Variants in NXPH1 observed in about 807,000 individuals in gnomAD.
NXPH1 encodes the protein neurexophilin 1.
A neutral mutation model predicts 23.7 loss-of-function variants in NXPH1; 5 were observed. That is an observed-to-expected ratio of 0.21 (90% CI 0.11 to 0.44). The LOEUF (loss-of-function observed/expected upper bound fraction) is 0.44. NXPH1 is among the 20% of genes least tolerant of loss of function. The probability of loss-of-function intolerance (pLI) is 0.99; values close to 1 mark genes in which losing one functional copy is unlikely to be tolerated. For missense variants in NXPH1, 324 were observed against 321.6 expected (o/e 1.01, Z -0.06); for synonymous variants, 144 against 122.2 (o/e 1.18, Z -1.18).
chr7:8,451,693 C>T (rs1166343567), intron 2 of NXPH1, among the ~76,000 whole-genome samples: 1 of 152,204 alleles, frequency 6.6e-6, no homozygotes, highest in Non-Finnish European at 1.5e-5. Context: ...CTGTTTTATG[C>T]CCATTGCCTA....
At chr7:8,734,833 T>C (rs565568696) in intron 2 of NXPH1, among the ~76,000 whole-genome samples, 1 of 152,362 alleles carries the variant, frequency 6.6e-6, no homozygotes, top group East Asian at 1.9e-4. Flanking sequence ...TAAGTCTCTT[T>C]GTAGTTCTCC....
At chr7:8,462,400 G>T (rs1816710672) in intron 2 of NXPH1, among the ~76,000 whole-genome samples, 1 of 152,130 alleles carries the variant, frequency 6.6e-6, no homozygotes, top group African/African-American at 2.4e-5. Context: ...TATGTGCTAG[G>T]CACTTTACAA....
At chr7:8,568,286 C>T (rs756722422) in intron 2 of NXPH1, among the ~76,000 whole-genome samples, 2 of 151,782 alleles carry the variant, frequency 1.3e-5, no homozygotes, top group East Asian at 1.9e-4. Context: ...TCCCAATTTC[C>T]TCGAATAAAT....
intron 2 of NXPH1, among the ~76,000 whole-genome samples, chr7:8,511,381 C>T (rs1817608737): frequency 6.6e-6 from 1 of 152,082 alleles, no homozygotes; most frequent in African/African-American, 2.4e-5. Flanking sequence ...GGAACCTGTC[C>T]TGCCTATGAA....
At chr7:8,720,188 A>T (rs1225630998) in intron 2 of NXPH1, among the ~76,000 whole-genome samples, 1 of 152,184 alleles carries the variant, frequency 6.6e-6, no homozygotes, top group African/African-American at 2.4e-5. Flanking sequence ...CAATGAACTG[A>T]ATCACCAAAA....
At chr7:8,647,286 C>A (rs1194573630) in intron 2 of NXPH1, among the ~76,000 whole-genome samples, 1 of 152,072 alleles carries the variant, frequency 6.6e-6, no homozygotes, top group Non-Finnish European at 1.5e-5. Flanking sequence ...ACATCCAGGC[C>A]CAGCGCAGGT....
chr7:8,566,763 G>A (rs1440000725), intron 2 of NXPH1, among the ~76,000 whole-genome samples: 1 of 151,790 alleles, frequency 6.6e-6, no homozygotes, highest in Non-Finnish European at 1.5e-5. Context: ...GTATCACAGA[G>A]TCTCCAGCTT....
chr7:8,538,581 G>A (rs1287284148), intron 2 of NXPH1, among the ~76,000 whole-genome samples: 2 of 151,876 alleles, frequency 1.3e-5, no homozygotes, highest in African/African-American at 4.8e-5. Context: ...CTTGGAACAG[G>A]TCATGGCATG....
intron 2 of NXPH1, among the ~76,000 whole-genome samples, chr7:8,623,939 T>C (rs1819935060): frequency 6.6e-6 from 1 of 152,124 alleles, no homozygotes; most frequent in Non-Finnish European, 1.5e-5. Flanking sequence ...ATATGTGACA[T>C]AATGTTAAAA....
chr7:8,697,836 G>A (rs551658472), intron 2 of NXPH1, among the ~76,000 whole-genome samples: 1 of 152,152 alleles, frequency 6.6e-6, no homozygotes, highest in Non-Finnish European at 1.5e-5. Context: ...TTTAGGACCG[G>A]CAAGAGAGCC....
rs375637202 is a variant in NXPH1 at position 8,751,459 on chromosome 7, C to A, written c.506C>A (p.Pro169His). The A allele has an allele frequency of 6.8e-6, 11 of 1,613,580 alleles. No homozygotes were observed. The highest frequency in any genetic ancestry group is 6.8e-6 in the Non-Finnish European group (8 of 1,179,810). ...GGGAATGTATCTGTCAGCTTGGTAC[C>A]CCCTACAAAAATCGTGGAATTTGAC... ...GQGNVSVSLV[P>H]PTKIVEFDLA... Residue 169 changes from proline (P) to histidine (H), a missense_variant, in exon 3 of 3, where the codon CCC (proline) becomes CAC (histidine). Coordinates refer to ENST00000405863, the MANE Select transcript of NXPH1 (RefSeq NM_152745.3). This position sits in a 1 kb window ranked among gnomAD's most constrained non-coding sequence, Gnocchi z 4.5.
In NXPH1 at chr7:8,543,382, A is replaced by C. The variant is rs547510233; in HGVS notation, c.54+107615A>C. Among the ~76,000 whole-genome samples, 4 of 151,764 alleles carry C rather than the reference A, an allele frequency of 2.6e-5. No homozygotes were observed. The South Asian group carries it at 8.3e-4, about 31-fold the overall frequency. ...ATGTTTCTTCTCTGAACTCCTACAG[A>C]ATTTCATAGATAATTACGACTAAAG... On this transcript the variant is annotated intron_variant, in intron 2 of 2. Transcript: ENST00000405863.
intron 2 of NXPH1, among the ~76,000 whole-genome samples, chr7:8,496,568 G>T (rs983513320): frequency 5.3e-5 from 8 of 152,014 alleles, no homozygotes; most frequent in African/African-American, 1.7e-4. Flanking sequence ...TGTGTCATGA[G>T]TACTTGAAAA....
At chr7:8,526,200 A>G (rs1817858913) in intron 2 of NXPH1, among the ~76,000 whole-genome samples, 1 of 152,208 alleles carries the variant, frequency 6.6e-6, no homozygotes, top group Admixed American at 6.5e-5. Flanking sequence ...TTGGAGCTTT[A>G]AAAGTTGACT....
chr7:8,520,820 C>G (rs1817759538), intron 2 of NXPH1, among the ~76,000 whole-genome samples: 1 of 152,126 alleles, frequency 6.6e-6, no homozygotes, highest in African/African-American at 2.4e-5. Flanking sequence ...GGTTTTGTCA[C>G]TTCATTTTCT....
intron 2 of NXPH1, among the ~76,000 whole-genome samples, chr7:8,504,585 TAAA>T (rs1817491018): frequency 6.6e-6 from 1 of 152,058 alleles, no homozygotes; most frequent in African/African-American, 2.4e-5. Context: ...AGATTAATAG[TAAA>T]TGAATGGAGA....
chr7:8,716,298 G>A (rs1185952929), intron 2 of NXPH1, among the ~76,000 whole-genome samples: 2 of 152,146 alleles, frequency 1.3e-5, no homozygotes, highest in Admixed American at 6.6e-5. Context: ...CCTGACTATA[G>A]CTTTAATCTG....
chr7:8,727,589 T>C (rs111978403), intron 2 of NXPH1, among the ~76,000 whole-genome samples: 34,686 of 151,982 alleles, frequency 0.23, 4,716 homozygotes, highest in African/African-American at 0.39. Context: ...ATTTATTAAA[T>C]AGGGAATCCT....
chr7:8,590,877 C>T (rs1245445282), intron 2 of NXPH1, among the ~76,000 whole-genome samples: 1 of 151,982 alleles, frequency 6.6e-6, no homozygotes, highest in Admixed American at 6.6e-5. Flanking sequence ...TTTTCTCACT[C>T]GTTGAACTGT....
Sources: gnomAD v4.1 joint callset for allele counts (sites outside exome capture counted in the v4.1 genomes callset) on GRCh38, gnomAD v4.1.1 for gene constraint, Gnocchi (gnomAD v3.1) non-coding constraint, MANE v1.5 for transcripts, NCBI Gene and HGNC (gene_info 2026-07-23, HGNC 2026-07-21) for gene names.